Variants in ZRANB3 observed in about 807,000 individuals in gnomAD.
The protein encoded by ZRANB3 is zinc finger RANBP2-type containing 3.
A neutral mutation model predicts 133.8 loss-of-function variants in ZRANB3; 125 were observed. The observed-to-expected ratio is 0.93, with a 90% CI of 0.81 to 1.08. The LOEUF (loss-of-function observed/expected upper bound fraction) is 1.08, where lower values mean the gene tolerates loss of function less well. Ranked by LOEUF, ZRANB3 falls within the 50% of genes least tolerant of loss-of-function variation. The pLI is 0.00. For missense variants in ZRANB3, 1,229 were observed against 1,275.5 expected (o/e 0.96, Z 0.56); for synonymous variants, 387 against 432.7 (o/e 0.89, Z 1.31).
At chr2:135,382,535 T>C (rs902753919) in intron 3 of ZRANB3, among the ~76,000 whole-genome samples, 3 of 151,946 alleles carry the variant, frequency 2.0e-5, no homozygotes, top group South Asian at 2.1e-4. Context: ...CCAAGACACA[T>C]AATTGTCAGA....
chr2:135,411,897 C>A (rs1204599830), intron 2 of ZRANB3, among the ~76,000 whole-genome samples: 2 of 151,998 alleles, frequency 1.3e-5, no homozygotes, highest in Admixed American at 6.6e-5. Flanking sequence ...ATACATGTAC[C>A]CCTCTGAATC....
chr2:135,297,175 G>A (rs1041031734), intron 8 of ZRANB3, among the ~76,000 whole-genome samples: 2 of 152,236 alleles, frequency 1.3e-5, no homozygotes, highest in Non-Finnish European at 2.9e-5. Context: ...GCCCTCAGAG[G>A]TGGAGCCTAC....
At chr2:135,442,083 A>G (rs1198510023) in intron 2 of ZRANB3, among the ~76,000 whole-genome samples, 4 of 152,220 alleles carry the variant, frequency 2.6e-5, no homozygotes, top group African/African-American at 9.6e-5. Flanking sequence ...ACCTAAAACC[A>G]TAAAAACCCC....
chr2:135,442,523 G>A (rs1359408465), intron 2 of ZRANB3, among the ~76,000 whole-genome samples: 2 of 152,102 alleles, frequency 1.3e-5, no homozygotes, highest in Admixed American at 6.5e-5. Flanking sequence ...TTAGAATGGC[G>A]ATCATTAAAA....
At chr2:135,248,471 T>C (rs1210226114) in intron 12 of ZRANB3, among the ~76,000 whole-genome samples, 2 of 152,122 alleles carry the variant, frequency 1.3e-5, no homozygotes, top group Non-Finnish European at 2.9e-5. Context: ...CACAGCAAAA[T>C]AAACTATCAA....
At chr2:135,417,676 G>C (rs1264572449) in intron 2 of ZRANB3, among the ~76,000 whole-genome samples, 2 of 152,158 alleles carry the variant, frequency 1.3e-5, no homozygotes, top group Non-Finnish European at 1.5e-5. Flanking sequence ...GTTTACTGTG[G>C]CATTATTCAC....
intron 13 of ZRANB3, among the ~76,000 whole-genome samples, chr2:135,229,838 C>T (rs909996602): frequency 2.0e-5 from 3 of 152,006 alleles, no homozygotes; most frequent in Admixed American, 6.6e-5. Context: ...CTTTTTCTTA[C>T]GACAACCACG....
chr2:135,369,952 C>T (rs1039584508), intron 3 of ZRANB3, among the ~76,000 whole-genome samples: 1 of 151,812 alleles, frequency 6.6e-6, no homozygotes, highest in Non-Finnish European at 1.5e-5. Context: ...TCCAATATTT[C>T]CAGTACCCTA....
In ZRANB3 at chr2:135,200,264, TAAAC is replaced by T. The variant is rs997112311; in HGVS notation, c.*74_*77del. The T allele has an allele frequency of 1.3e-4, 165 of 1,234,668 alleles. 1 individual carries two copies. The South Asian group carries it at 1.8e-3, about 13-fold the overall frequency. 76.5% of individuals were successfully genotyped at this position (1,234,668 alleles called of 1,614,324 possible). A position where few individuals can be genotyped will look rare whatever the true frequency, so the allele number is the denominator to read the frequency against. Reference sequence around the variant, plus strand: ...CTGAAAATTTTTACTCTCGATATATTAAACAAACATGGAAAACTTCTGTATTAAA... The same window carrying T: ...CTGAAAATTTTTACTCTCGATATATTAAACATGGAAAACTTCTGTATTAAA... On this transcript the variant is annotated 3_prime_UTR_variant, in exon 21 of 21. Transcript: ENST00000264159.
At chr2:135,518,451 G>A (rs1158434235) in intron 1 of ZRANB3, among the ~76,000 whole-genome samples, 1 of 152,138 alleles carries the variant, frequency 6.6e-6, no homozygotes, top group Non-Finnish European at 1.5e-5. Flanking sequence ...ATAGTATCTG[G>A]GCTGGAATGC....
intron 12 of ZRANB3, among the ~76,000 whole-genome samples, chr2:135,242,591 G>A (rs765312911): frequency 1.3e-5 from 2 of 151,882 alleles, no homozygotes; most frequent in African/African-American, 2.4e-5. Flanking sequence ...CCTGGCTTTC[G>A]GTAGGTACTT....
chr2:135,529,126 A>C lies in ZRANB3; in HGVS notation c.-8+2001T>G, dbSNP rs370080846. ...ATACAGTGTTAAGCGCTCATACCAT[A>C]AATACAACAGGATTTATAAGAGAAA... On this transcript the variant is annotated intron_variant, in intron 1 of 20. Coordinates refer to ENST00000264159, the MANE Select transcript of ZRANB3 (RefSeq NM_032143.4). Among the ~76,000 whole-genome samples the C allele has an allele frequency of 2.9e-4, 44 of 152,320 alleles. No homozygotes were observed. The South Asian group carries it at 7.0e-3, about 24-fold the overall frequency.
intron 2 of ZRANB3, among the ~76,000 whole-genome samples, chr2:135,449,791 T>C (rs532997824): frequency 1.1e-3 from 167 of 152,312 alleles, no homozygotes; most frequent in African/African-American, 3.9e-3. Flanking sequence ...AGGGTCTCTC[T>C]CTATCATCCA....
At chr2:135,294,060 T>A (rs1681904770) in intron 8 of ZRANB3, among the ~76,000 whole-genome samples, 1 of 152,226 alleles carries the variant, frequency 6.6e-6, no homozygotes, top group African/African-American at 2.4e-5. Flanking sequence ...AAATTCTCAT[T>A]TCTTTTGTGT....
intron 2 of ZRANB3, among the ~76,000 whole-genome samples, chr2:135,393,695 C>A (rs568699947): frequency 6.6e-6 from 1 of 151,986 alleles, no homozygotes; most frequent in East Asian, 1.9e-4. Context: ...TTGTAAAATT[C>A]ATTAATTTTA....
In ZRANB3 at chr2:135,497,087, A is replaced by G. The variant is rs377670971; in HGVS notation, c.161+7242T>C. Among the ~76,000 whole-genome samples the G allele has an allele frequency of 1.4e-4, 22 of 152,352 alleles. No individual in the cohort carries two copies. The East Asian group carries it at 4.0e-3, about 28-fold the overall frequency. On this transcript the variant is annotated intron_variant, in intron 2 of 20. Transcript: ENST00000264159. Reference sequence around the variant, plus strand: ...AAAAAAGATAAGAGATATACAGGACACCGAAAGAGCAATTAAGTAAATGTA... The same window carrying G: ...AAAAAAGATAAGAGATATACAGGACGCCGAAAGAGCAATTAAGTAAATGTA...
chr2:135,240,834 C>G (rs1271763323), intron 12 of ZRANB3, among the ~76,000 whole-genome samples: 1 of 152,188 alleles, frequency 6.6e-6, no homozygotes, highest in Non-Finnish European at 1.5e-5. Context: ...CCTGTCTTGG[C>G]CCCCCAAAGT....
intron 14 of ZRANB3, 130 bp downstream of exon 14, chr2:135,227,682 G>C: frequency 2.3e-6 from 2 of 873,478 alleles, no homozygotes; most frequent in Admixed American, 5.4e-5. Flanking sequence ...GTTACAAATG[G>C]TTGGTATTTT....
rs115728864 is a variant in ZRANB3 at position 135,200,256 on chromosome 2, C to A, written c.*86G>T. On this transcript the variant is annotated 3_prime_UTR_variant, in exon 21 of 21. Transcript: ENST00000264159. ...TTTTTGTTCTGAAAATTTTTACTCT[C>A]GATATATTAAACAAACATGGAAAAC... The A allele has an allele frequency of 2.7e-6, 3 of 1,119,416 alleles. No individual in the cohort carries two copies. The Admixed American group carries it at 6.8e-5, about 25-fold the overall frequency. The allele number at this position is 1,119,416 out of a possible 1,614,324, so 69.3% of individuals were successfully genotyped here. A position where few individuals can be genotyped will look rare whatever the true frequency, so the allele number is the denominator to read the frequency against.
Sources: gnomAD v4.1 joint callset for allele counts (sites outside exome capture counted in the v4.1 genomes callset) on GRCh38, gnomAD v4.1.1 for gene constraint, MANE v1.5 for transcripts, NCBI Gene and HGNC (gene_info 2026-07-23, HGNC 2026-07-21) for gene names.